The following HEATR4 variants were observed in gnomAD, a reference collection of about 807,000 sequenced individuals.
HEATR4 encodes the protein HEAT repeat-containing protein 4.
In HEATR4, 95 loss-of-function variants were observed where a neutral mutation model predicts 108.8. That is an observed-to-expected ratio of 0.87 (90% CI 0.74 to 1.04). HEATR4 has a LOEUF of 1.04. Among genes scored for constraint, HEATR4 ranks in the 50% least tolerant of loss-of-function variants. The pLI is 0.00. For synonymous variants in HEATR4, 443 were observed against 459.4 expected, an observed-to-expected ratio of 0.96 and a Z score of 0.46; for missense variants, 1,152 against 1,253.8, an observed-to-expected ratio of 0.92 and a Z score of 1.23.
chr14:73,537,862 G>A lies in HEATR4; in HGVS notation c.-151-7618C>T, dbSNP rs750451986. On this transcript the variant is annotated intron_variant, in intron 1 of 17. Coordinates refer to ENST00000553558, the MANE Select transcript of HEATR4 (RefSeq NM_001220484.1). ...TGCGCGCGGGCCGGGTGCGAGGCAC[G>A]CTCTTCCTGCCGCCAGGTGACTCAC... The A allele has an allele frequency of 4.2e-6, 5 of 1,200,136 alleles. 2 individuals are homozygous for A. In the Admixed American group the frequency reaches 1.5e-4, roughly 35 times the overall value. The allele number at this position is 1,200,136 out of a possible 1,614,324, so 74.3% of individuals were successfully genotyped here. A position where few individuals can be genotyped will look rare whatever the true frequency, so the allele number is the denominator to read the frequency against.
rs1229307240 is a variant in HEATR4, at chr14:73,549,293, G to A, written c.-152+9458C>T. ...GTGTCTGTGTGTGTGTGTATCTCAG[G>A]GGCGTCAGGCCTCAATTTCCTCATC... On this transcript the variant is annotated intron_variant, in intron 1 of 17. Transcript: ENST00000553558. Among the ~76,000 whole-genome samples the A allele has an allele frequency of 1.8e-5, 2 of 114,002 alleles. 1 individual carries two copies. The highest frequency in any genetic ancestry group is 5.7e-5 in the African/African-American group (2 of 35,118). The allele number at this position is 114,002 out of a possible 152,430, so 74.8% of individuals were successfully genotyped here.
the HEATR4 span, among the ~76,000 whole-genome samples, chr14:73,579,347 C>T: frequency 7.0e-6 from 1 of 141,982 alleles, no homozygotes; most frequent in South Asian, 2.2e-4. Flanking sequence ...GAGGCCAAGG[C>T]GAGGGGATCA....
rs758869003 is a variant in HEATR4, at chr14:73,499,130, C to T, written c.2297G>A (p.Cys766Tyr). 49 of 1,614,042 alleles carry T rather than the reference C, an allele frequency of 3.0e-5. No homozygotes were observed. The highest frequency in any genetic ancestry group is 3.7e-5 in the Non-Finnish European group (44 of 1,179,996). Residue 766 changes from cysteine to tyrosine, a missense_variant, in exon 13 of 18, where the codon TGC becomes TAC. By Grantham distance (194) the Cys-to-Tyr change is radical. Coordinates refer to ENST00000553558, the MANE Select transcript of HEATR4 (RefSeq NM_001220484.1). The part of the protein sequence containing the change: ...LQIRDKMVLE[C>Y]LLNLMQRDPY... ...ATCTCTCTGCATCAGGTTCAGGAGG[C>T]ATTCAAGCACCTGGGATGGAAAAGG... is the stretch of plus-strand genomic sequence containing the variant.
In HEATR4 at chr14:73,498,335, T is replaced by A. The variant is rs781082758; in HGVS notation, c.2366A>T (p.Gln789Leu). Residue 789 changes from glutamine to leucine, a missense_variant, in exon 14 of 18, where the codon CAG becomes CTG. Coordinates refer to ENST00000553558, the MANE Select transcript of HEATR4 (RefSeq NM_001220484.1). ...CAGCTCGGGACTTACTTGCCCAATC[T>A]GTCCCAAAGCTGCAGAGATTAGAGG... ...IKAFAIRALG[Q>L]IGQVSPELTD... is the part of the protein sequence containing the mutation. 3.7e-6 allele frequency: 6 copies of A among 1,601,944 alleles called. No homozygotes were observed. The highest frequency in any genetic ancestry group is 4.3e-6 in the Non-Finnish European group (5 of 1,171,592).
the HEATR4 span, among the ~76,000 whole-genome samples, chr14:73,612,044 C>CTT: frequency 7.0e-6 from 1 of 142,398 alleles, no homozygotes; most frequent in African/African-American, 2.6e-5. Context: ...GTCATTAACT[C>CTT]TTTTTTTTTT....
At chr14:73,529,515 C>G (rs1432785079) in intron 2 of HEATR4, among the ~76,000 whole-genome samples, 1 of 152,016 alleles carries the variant, frequency 6.6e-6, no homozygotes, top group African/African-American at 2.4e-5. Flanking sequence ...TAGTTAAAAC[C>G]TGATGAACTT....
In HEATR4 at chr14:73,508,140, C is replaced by G; in HGVS notation, c.1875G>C (p.Glu625Asp). 1 of 1,614,040 alleles carries G rather than the reference C, an allele frequency of 6.2e-7. No individual in the cohort carries two copies. Among genetic ancestry groups the G allele is most frequent in the Non-Finnish European group, 8.5e-7 (1 of 1,179,864 alleles). ...CCCGGTAATGGACACATACTGTCTTCTCACTCAGATAGCTCAGGAGGATAT... is the reference window on the plus strand; with the variant it reads ...CCCGGTAATGGACACATACTGTCTTGTCACTCAGATAGCTCAGGAGGATAT... ...QSYILLSYLSEKTTLIHTMLA... is the reference protein window; with the variant it reads ...QSYILLSYLSDKTTLIHTMLA... Residue 625 changes from glutamate to aspartate, a missense_variant, in exon 9 of 18, where the codon GAG (glutamate) becomes GAC (aspartate). Physicochemically the swap from Glu to Asp is conservative, Grantham distance 45. Coordinates refer to ENST00000553558, the MANE Select transcript of HEATR4 (RefSeq NM_001220484.1).
At chr14:73,592,448 G>C in the HEATR4 span, 1 of 1,468,958 alleles carries the variant, frequency 6.8e-7, no homozygotes, top group Non-Finnish European at 8.9e-7. Flanking sequence ...TGGTGTGAGC[G>C]TCAGTGGCCT....
chr14:73,577,093 T>G, the HEATR4 span, among the ~76,000 whole-genome samples: 1 of 151,234 alleles, frequency 6.6e-6, no homozygotes, highest in African/African-American at 2.4e-5. Context: ...CCACCATGCC[T>G]GGCTAATTTT....
At chr14:73,570,289 G>A in the HEATR4 span, among the ~76,000 whole-genome samples, 1 of 151,926 alleles carries the variant, frequency 6.6e-6, no homozygotes, top group African/African-American at 2.4e-5. Flanking sequence ...CATTGTAAGG[G>A]CCAGGCGCAG....
intron 10 of HEATR4, among the ~76,000 whole-genome samples, chr14:73,505,888 T>A (rs917636742): frequency 7.6e-6 from 1 of 130,838 alleles, no homozygotes; most frequent in Non-Finnish European, 1.7e-5. Flanking sequence ...CTATAAACGT[T>A]TCTTTTTTTT....
the HEATR4 span, among the ~76,000 whole-genome samples, chr14:73,621,761 CTTTTTTTTT>C: frequency 9.1e-6 from 1 of 109,544 alleles, no homozygotes; most frequent in Admixed American, 9.7e-5. Context: ...TTCTTTCTTT[CTTTTTTTTT>C]TTTTTTTTTT....
chr14:73,613,925 C>G, the HEATR4 span, among the ~76,000 whole-genome samples: 1 of 150,120 alleles, frequency 6.7e-6, no homozygotes, highest in Non-Finnish European at 1.5e-5. Flanking sequence ...CACAGTGGCT[C>G]AGGCCTGTAA....
the HEATR4 span, chr14:73,595,613 C>A: frequency 2.6e-6 from 4 of 1,547,056 alleles, no homozygotes; most frequent in Non-Finnish European, 3.5e-6. Context: ...CTTCTGCAAA[C>A]ACCTGGGAGG....
At chr14:73,485,460 TGG>T (rs890436889) in intron 17 of HEATR4, among the ~76,000 whole-genome samples, 54 of 151,094 alleles carry the variant, frequency 3.6e-4, no homozygotes, top group Non-Finnish European at 7.1e-4. Context: ...TGGAGTGCAG[TGG>T]CGCCATCTCA....
In HEATR4 at chr14:73,540,537, C is replaced by T. The variant is rs1281341811; in HGVS notation, c.-151-10293G>A. 1.8e-5 allele frequency among the ~76,000 whole-genome samples: 2 copies of T among 108,482 alleles called. 1 individual carries two copies. The highest frequency in any genetic ancestry group is 3.8e-5 in the Non-Finnish European group (2 of 52,160). 71.2% of individuals were successfully genotyped at this position (108,482 alleles called of 152,430 possible). A position where few individuals can be genotyped will look rare whatever the true frequency, so the allele number is the denominator to read the frequency against. ...CATTCAGTATCATTCCATTTAGATA[C>T]AGTTCAAAAAATAGGCAAAATAAAA... On this transcript the variant is annotated intron_variant, in intron 1 of 17. Coordinates refer to ENST00000553558, the MANE Select transcript of HEATR4 (RefSeq NM_001220484.1).
the HEATR4 span, chr14:73,611,093 G>C: frequency 6.6e-6 from 1 of 152,236 alleles, no homozygotes; most frequent in South Asian, 2.1e-4. Context: ...ATATGAATGT[G>C]TTTTCTCACT....
intron 17 of HEATR4, among the ~76,000 whole-genome samples, chr14:73,490,381 C>A (rs1007792838): frequency 5.9e-5 from 9 of 152,324 alleles, no homozygotes; most frequent in Admixed American, 5.9e-4. Flanking sequence ...GTGGCGCCAT[C>A]TCGGCTCACT....
chr14:73,537,770 G>T (rs1165600594), intron 1 of HEATR4: 1 of 1,235,062 alleles, frequency 8.1e-7, no homozygotes, highest in Non-Finnish European at 1.1e-6. Context: ...CCCCGACCCC[G>T]GGCGGCTGCT....
Sources: gnomAD v4.1 joint callset for allele counts (sites outside exome capture counted in the v4.1 genomes callset) on GRCh38, gnomAD v4.1.1 for gene constraint, MANE v1.5 for transcripts, NCBI Gene and HGNC (gene_info 2026-07-23, HGNC 2026-07-21) for gene names.